The following DLG2 variants were observed in gnomAD, a reference collection of about 807,000 sequenced individuals.
DLG2 encodes the protein discs large MAGUK scaffold protein 2, also known as disks large homolog 2.
A neutral mutation model predicts 132.5 loss-of-function variants in DLG2; 45 were observed. The observed-to-expected ratio is 0.34, with a 90% CI of 0.27 to 0.44. The LOEUF (loss-of-function observed/expected upper bound fraction) is 0.44, where lower values mean the gene tolerates loss of function less well. Among genes scored for constraint, DLG2 ranks in the 20% least tolerant of loss-of-function variants. The pLI is 1.00. For missense variants in DLG2, 1,045 were observed against 1,196.9 expected (o/e 0.87, Z 1.87); for synonymous variants, 424 against 419.6 (o/e 1.01, Z -0.13).
intron 6 of DLG2, among the ~76,000 whole-genome samples, chr11:84,904,758 G>A (rs1198623162): frequency 6.6e-6 from 1 of 152,074 alleles, no homozygotes; most frequent in Admixed American, 6.5e-5. Context: ...ATGGAACAAA[G>A]TTCTTCCCCA....
At chr11:83,775,919 C>T (rs1041315293) in intron 18 of DLG2, among the ~76,000 whole-genome samples, 4 of 151,928 alleles carry the variant, frequency 2.6e-5, no homozygotes, top group East Asian at 3.9e-4. Flanking sequence ...GGTGAAACCT[C>T]GTCTCTACTA....
intron 10 of DLG2, among the ~76,000 whole-genome samples, chr11:84,068,985 G>A (rs1054439954): frequency 6.6e-6 from 1 of 152,170 alleles, no homozygotes; most frequent in African/African-American, 2.4e-5. Flanking sequence ...AGGACCCACT[G>A]TCAGTCGGGT....
intron 6 of DLG2, among the ~76,000 whole-genome samples, chr11:84,631,877 G>C (rs1209011274): frequency 6.6e-6 from 1 of 152,124 alleles, no homozygotes; most frequent in African/African-American, 2.4e-5. Flanking sequence ...TGGACAAGTT[G>C]TTTAACTTCT....
At chr11:84,932,361 T>C (rs569074746) in intron 6 of DLG2, among the ~76,000 whole-genome samples, 1 of 152,348 alleles carries the variant, frequency 6.6e-6, no homozygotes, top group Admixed American at 6.5e-5. Flanking sequence ...GCACCATTAT[T>C]TACTGAATAA....
rs565400099 is a variant in DLG2, at chr11:84,873,980, A to G, written c.357+237681T>C. On this transcript the variant is annotated intron_variant, in intron 6 of 27. Coordinates refer to ENST00000376104, the MANE Select transcript of DLG2 (RefSeq NM_001142699.3). ...CCTTCACCTTACTGATCTTGCATAT[A>G]AAGCTCAAAGAAAGTGTCAAAGCAC... Among the ~76,000 whole-genome samples, 22 of 152,308 alleles carry G rather than the reference A, an allele frequency of 1.4e-4. No individual in the cohort carries two copies. In the South Asian group the frequency reaches 4.6e-3, roughly 32 times the overall value.
At chr11:84,817,199 T>TG (rs1171313597) in intron 6 of DLG2, among the ~76,000 whole-genome samples, 1 of 152,176 alleles carries the variant, frequency 6.6e-6, no homozygotes, top group Non-Finnish European at 1.5e-5. Flanking sequence ...GCTTACATTG[T>TG]GCAGGAACCA....
chr11:84,293,133 G>A (rs2098030595), intron 7 of DLG2, among the ~76,000 whole-genome samples: 1 of 152,044 alleles, frequency 6.6e-6, no homozygotes, highest in South Asian at 2.1e-4. Context: ...AAGGCAGTGT[G>A]TGTGTGTGTC....
chr11:83,944,660 G>C (rs1157994845), intron 14 of DLG2, among the ~76,000 whole-genome samples: 1 of 152,144 alleles, frequency 6.6e-6, no homozygotes, highest in Non-Finnish European at 1.5e-5. Context: ...AACCAATCCG[G>C]AATAGATTCA....
chr11:84,166,014 A>T (rs901127183), intron 8 of DLG2, among the ~76,000 whole-genome samples: 2 of 152,146 alleles, frequency 1.3e-5, no homozygotes, highest in Non-Finnish European at 2.9e-5. Context: ...CATCATTTCA[A>T]CCTTTTACAT....
intron 7 of DLG2, among the ~76,000 whole-genome samples, chr11:84,499,598 G>T (rs1254147525): frequency 1.3e-5 from 2 of 152,080 alleles, no homozygotes; most frequent in Non-Finnish European, 2.9e-5. Flanking sequence ...CAAATATAAT[G>T]CAAAGATTAA....
At chr11:83,493,618 T>C in intron 21 of DLG2, among the ~76,000 whole-genome samples, 1 of 152,142 alleles carries the variant, frequency 6.6e-6, no homozygotes, top group Admixed American at 6.6e-5. Context: ...CTGGCCTTTA[T>C]TGCTCTCTAT....
intron 17 of DLG2, among the ~76,000 whole-genome samples, chr11:83,789,633 C>G (rs1350874750): frequency 6.6e-6 from 1 of 151,968 alleles, no homozygotes; most frequent in African/African-American, 2.4e-5. Context: ...CTGCAGCCTC[C>G]GCCTCCTGGG....
chr11:85,153,214 G>C lies in DLG2; in HGVS notation c.282+1342C>G, dbSNP rs2077372620. On this transcript the variant is annotated intron_variant, in intron 5 of 27. Coordinates refer to ENST00000376104, the MANE Select transcript of DLG2 (RefSeq NM_001142699.3). ...GTGATAGAGCCAAGATACAAATCCT[G>C]GTCTCTGACTTTGGATCTTTTGTTC... Among the ~76,000 whole-genome samples the C allele has an allele frequency of 1.3e-5, 2 of 152,146 alleles. 1 individual carries two copies. The highest frequency in any genetic ancestry group is 6.8e-3 in the Middle Eastern group (2 of 294).
At chr11:84,405,823 C>T (rs1281564148) in intron 7 of DLG2, among the ~76,000 whole-genome samples, 2 of 152,208 alleles carry the variant, frequency 1.3e-5, no homozygotes, top group Admixed American at 1.3e-4. Context: ...ACTCAATTCA[C>T]AATTTTCTAG....
chr11:85,310,738 C>T (rs907009929), intron 3 of DLG2, among the ~76,000 whole-genome samples: 7 of 152,174 alleles, frequency 4.6e-5, no homozygotes, highest in African/African-American at 1.7e-4. Flanking sequence ...CTATTCTGGG[C>T]TCTTATATAA....
At chr11:84,397,556 T>C (rs1031754349) in intron 7 of DLG2, among the ~76,000 whole-genome samples, 1 of 152,198 alleles carries the variant, frequency 6.6e-6, no homozygotes, top group African/African-American at 2.4e-5. Context: ...CTCTCTCTAT[T>C]TTTTGGCAAT....
intron 11 of DLG2, among the ~76,000 whole-genome samples, chr11:84,040,701 C>A (rs559225042): frequency 4.0e-5 from 6 of 150,452 alleles, no homozygotes; most frequent in South Asian, 2.1e-4. Flanking sequence ...CTTGGTGATG[C>A]GGGCTCTTTT....
At chr11:84,738,089 T>C (rs2064101684) in intron 6 of DLG2, among the ~76,000 whole-genome samples, 1 of 152,040 alleles carries the variant, frequency 6.6e-6, no homozygotes, top group African/African-American at 2.4e-5. Context: ...TATAAACTTA[T>C]GAAGTGTCTG....
chr11:85,227,427 T>A (rs1413017538), intron 4 of DLG2, among the ~76,000 whole-genome samples: 3 of 152,062 alleles, frequency 2.0e-5, no homozygotes, highest in African/African-American at 7.2e-5. Context: ...CAGTCACTCA[T>A]CAGATATACA....
Sources: gnomAD v4.1 joint callset for allele counts (sites outside exome capture counted in the v4.1 genomes callset) on GRCh38, gnomAD v4.1.1 for gene constraint, MANE v1.5 for transcripts, NCBI Gene and HGNC (gene_info 2026-07-23, HGNC 2026-07-21) for gene names.